GGA3: variants seen among roughly 807,000 people sequenced by gnomAD.
GGA3 encodes ADP-ribosylation factor-binding protein GGA3.
In GGA3, 57 loss-of-function variants were observed where a neutral mutation model predicts 77.5. The observed-to-expected ratio is 0.74, with a 90% confidence interval of 0.59 to 0.92. The LOEUF (loss-of-function observed/expected upper bound fraction) is 0.92. Ranked by LOEUF, GGA3 falls within the 40% of genes least tolerant of loss-of-function variation. The pLI is 0.00. For missense variants in GGA3, 970 were observed against 914.9 expected (o/e 1.06, Z -0.78); for synonymous variants, 416 against 383.7 (o/e 1.08, Z -0.98).
Position 75,238,186 on chromosome 17 carries a change from T to TTGTCAGGG in GGA3, c.*85_*92dup, listed in dbSNP as rs1385789227. 4 of 1,535,420 alleles carry TTGTCAGGG rather than the reference T, an allele frequency of 2.6e-6. No homozygotes were observed. In the African/African-American group the frequency reaches 4.1e-5, roughly 16 times the overall value. The stretch of plus-strand genomic sequence containing the variant: ...TTCCACATCAAAGCTACAAGCACTG[T>TTGTCAGGG]TGTCAGGGCATGGAGAGTGACGGGA... On this transcript the variant is annotated 3_prime_UTR_variant, in exon 17 of 17. Coordinates refer to ENST00000537686, the MANE Select transcript of GGA3 (RefSeq NM_138619.4).
At chr17:75,244,424 G>A (rs761764114) in intron 4 of GGA3, 195 bp downstream of exon 4, 73 of 560,792 alleles carry the variant, frequency 1.3e-4, no homozygotes, top group Admixed American at 3.0e-4. Flanking sequence ...GGCTGAGGGC[G>A]CTTCAGAAAA....
At position 75,239,401 on chromosome 17, in the gene GGA3, T is replaced by A; in HGVS notation, c.1754A>T (p.His585Leu). Residue 585 changes from histidine (H) to leucine (L), a missense_variant, in exon 14 of 17, where the codon CAC (histidine) becomes CTC (leucine). Coordinates refer to ENST00000537686, the MANE Select transcript of GGA3 (RefSeq NM_138619.4). ...KGPELSLASI[H>L]VPLESIKPSS... ...AGGCTTGATCGATTCCAGGGGCACG[T>A]GGATGCTGGCCAGGGAGAGCTCAGG... The A allele has an allele frequency of 6.4e-7, 1 of 1,560,380 alleles. No individual in the cohort carries two copies. The highest frequency in any genetic ancestry group is 8.6e-7 in the Non-Finnish European group (1 of 1,159,928).
intron 3 of GGA3, among the ~76,000 whole-genome samples, chr17:75,246,204 T>C (rs1342493805): frequency 6.6e-6 from 1 of 152,232 alleles, no homozygotes; most frequent in Non-Finnish European, 1.5e-5. Flanking sequence ...AGCCTTCTCT[T>C]GCGCCACATG....
At chr17:75,258,080 G>C (rs2077218111) in intron 1 of GGA3, among the ~76,000 whole-genome samples, 1 of 152,102 alleles carries the variant, frequency 6.6e-6, no homozygotes, top group Admixed American at 6.5e-5. Context: ...CCTTGAGAAT[G>C]TACTTTGTGA....
At position 75,241,678 on chromosome 17, in the gene GGA3, C is replaced by T; in HGVS notation, c.766G>A (p.Glu256Lys). The change falls in exon 9 of 17, where the codon GAG (glutamate) becomes AAG (lysine). Residue 256 changes from glutamate (E) to lysine (K), a missense_variant. By Grantham distance (56) the Glu-to-Lys change is moderately conservative. Transcript: ENST00000537686. ...TTAAATAAAGTCCGCCTCTTGTTCT[C>T]ACACTGATCAAACAGCTCCTGAAAG... ...ELMKELFDQC[E>K]NKRRTLFKLA... The T allele has an allele frequency of 6.2e-7, 1 of 1,614,110 alleles. No individual in the cohort carries two copies. The highest frequency in any genetic ancestry group is 8.5e-7 in the Non-Finnish European group (1 of 1,179,930).
upstream of GGA3, chr17:75,261,628 GTC>G: frequency 2.6e-6 from 4 of 1,510,798 alleles, no homozygotes; most frequent in Non-Finnish European, 3.5e-6. Flanking sequence ...ACTCGCGAGA[GTC>G]TGCACGAGCT....
In GGA3 at chr17:75,244,608, C is replaced by T. The variant is rs190807958; in HGVS notation, c.300+11G>A. 39 of 1,572,176 alleles carry T rather than the reference C, an allele frequency of 2.5e-5. No homozygotes were observed. In the African/African-American group the frequency reaches 2.7e-4, roughly 11 times the overall value. On this transcript the variant is annotated intron_variant, in intron 4 of 16. Coordinates refer to ENST00000537686, the MANE Select transcript of GGA3 (RefSeq NM_138619.4). ...AAGTCCCTAAAAGCGAGGAATCTGC[C>T]GCTGACTGACCTTTGGAGAGACGAC...
chr17:75,237,361 C>T lies in GGA3; in HGVS notation c.*918G>A. On this transcript the variant is annotated 3_prime_UTR_variant, in exon 17 of 17. Coordinates refer to ENST00000537686, the MANE Select transcript of GGA3 (RefSeq NM_138619.4). ...CCTGTGTCCAGCCACAGGTGCCACA[C>T]CACATGCCATCTGGTGAGAGGAGAG... is the stretch of plus-strand genomic sequence containing the variant. The T allele has an allele frequency of 4.4e-6, 4 of 901,424 alleles. No homozygotes were observed. The highest frequency in any genetic ancestry group is 3.5e-6 in the Non-Finnish European group (2 of 570,330). 55.8% of individuals were successfully genotyped at this position (901,424 alleles called of 1,614,324 possible). A position where few individuals can be genotyped will look rare whatever the true frequency, so the allele number is the denominator to read the frequency against.
chr17:75,240,439 A>T, intron 11 of GGA3, 27 bp from the exon 12 acceptor site: 1 of 1,495,932 alleles, frequency 6.7e-7, no homozygotes, highest in Non-Finnish European at 9.2e-7. Context: ...AAACAGGATG[A>T]GAAGAGGCTC....
In GGA3 at chr17:75,243,080, C is replaced by G. The variant is rs759974892; in HGVS notation, c.511G>C (p.Asp171His). 1.9e-6 allele frequency: 3 copies of G among 1,612,392 alleles called. No individual in the cohort carries two copies. In the African/African-American group the frequency reaches 4.0e-5, roughly 22 times the overall value. ...PPRPKNPVFD[D>H]EEKSKLLAKL... ...TCCTTTACCTTGGACTTCTCCTCAT[C>G]ATCAAAAACAGGGTTTTTGGGACGA... The change falls in exon 6 of 17, where the codon GAT (aspartate) becomes CAT (histidine). Residue 171 changes from aspartate (D) to histidine (H), a missense_variant. Physicochemically the swap from Asp to His is moderately conservative, Grantham distance 81. Coordinates refer to ENST00000537686, the MANE Select transcript of GGA3 (RefSeq NM_138619.4).
rs769869749 is a variant in GGA3, at chr17:75,238,184, T to C, written c.*95A>G. ...TGTTCCACATCAAAGCTACAAGCAC[T>C]GTTGTCAGGGCATGGAGAGTGACGG... is the stretch of plus-strand genomic sequence containing the variant. On this transcript the variant is annotated 3_prime_UTR_variant, in exon 17 of 17. Transcript: ENST00000537686. 1 of 1,529,234 alleles carries C rather than the reference T, an allele frequency of 6.5e-7. No individual in the cohort carries two copies. Among genetic ancestry groups the C allele is most frequent in the Non-Finnish European group, 8.8e-7 (1 of 1,138,162 alleles). 94.7% of individuals were successfully genotyped at this position (1,529,234 alleles called of 1,614,324 possible).
chr17:75,241,816 C>G, intron 8 of GGA3, 120 bp from the exon 9 acceptor site: 1 of 843,422 alleles, frequency 1.2e-6, no homozygotes. Flanking sequence ...CAATTACCAG[C>G]AAAGCTGGGA....
At chr17:75,246,456 G>T in intron 3 of GGA3, 53 bp downstream of exon 3, 1 of 1,163,624 alleles carries the variant, frequency 8.6e-7, no homozygotes, top group Non-Finnish European at 1.3e-6. Context: ...ACGAGGAATG[G>T]CGTGGGCAGG....
chr17:75,239,624 G>A (rs1238839279), intron 13 of GGA3, 53 bp from the exon 14 acceptor site: 1 of 1,482,034 alleles, frequency 6.7e-7, no homozygotes, highest in Non-Finnish European at 9.2e-7. Flanking sequence ...AGAGCTGCAG[G>A]ACTCTCACCC....
intron 1 of GGA3, among the ~76,000 whole-genome samples, chr17:75,250,215 C>T (rs142385877): frequency 6.6e-6 from 1 of 152,350 alleles, no homozygotes; most frequent in Non-Finnish European, 1.5e-5. Context: ...GAGGTGACAC[C>T]CGAGCTTCCC....
At chr17:75,242,781 G>A (rs1336067484) in intron 7 of GGA3, 50 bp downstream of exon 7, 1 of 1,421,314 alleles carries the variant, frequency 7.0e-7, no homozygotes, top group Non-Finnish European at 1.0e-6. Flanking sequence ...CTTCTGCTGT[G>A]TGGCCATGGG....
Position 75,257,282 on chromosome 17 carries a change from C to CA in GGA3, c.40+4265_40+4266insT, listed in dbSNP as rs1567807789. Among the ~76,000 whole-genome samples the CA allele has an allele frequency of 1.4e-4, 9 of 63,604 alleles. 1 individual carries two copies. Among genetic ancestry groups the CA allele is most frequent in the South Asian group, 8.7e-4 (1 of 1,144 alleles). The allele number at this position is 63,604 out of a possible 152,430, so 41.7% of individuals were successfully genotyped here. A position where few individuals can be genotyped will look rare whatever the true frequency, so the allele number is the denominator to read the frequency against. ...CACCAGACCAACTTAGACTGTGCCC[C>CA]CCCCCCCAAAAAAAACCTGTCATCA... On this transcript the variant is annotated intron_variant, in intron 1 of 16. Coordinates refer to ENST00000537686, the MANE Select transcript of GGA3 (RefSeq NM_138619.4).
intron 7 of GGA3, 116 bp from the exon 8 acceptor site, chr17:75,242,589 T>C: frequency 3.2e-6 from 4 of 1,253,634 alleles, no homozygotes; most frequent in East Asian, 2.3e-5. Flanking sequence ...CTCCTTTCAG[T>C]GTGGGGTGCC....
At chr17:75,253,302 C>T (rs948271992) in intron 1 of GGA3, among the ~76,000 whole-genome samples, 4 of 152,174 alleles carry the variant, frequency 2.6e-5, no homozygotes, top group Non-Finnish European at 5.9e-5. Flanking sequence ...ATTTCAATTC[C>T]TTTCATTTTC....
Sources: gnomAD v4.1 joint callset for allele counts (sites outside exome capture counted in the v4.1 genomes callset) on GRCh38, gnomAD v4.1.1 for gene constraint, MANE v1.5 for transcripts, NCBI Gene and HGNC (gene_info 2026-07-23, HGNC 2026-07-21) for gene names.